The following RCOR3 variants were observed in gnomAD, a reference collection of about 807,000 sequenced individuals.
The protein encoded by RCOR3 is REST corepressor 3.
In RCOR3, 13 loss-of-function variants were observed where a neutral mutation model predicts 64.1. That is an observed-to-expected ratio of 0.20 (90% CI 0.13 to 0.32). The LOEUF is 0.32. Among genes scored for constraint, RCOR3 ranks in the 10% least tolerant of loss-of-function variants. The probability of loss-of-function intolerance (pLI) is 1.00; values close to 1 mark genes in which losing one functional copy is unlikely to be tolerated. For synonymous variants in RCOR3, 215 were observed against 239.0 expected, an observed-to-expected ratio of 0.90 and a Z score of 0.93; for missense variants, 489 against 701.2, an observed-to-expected ratio of 0.70 and a Z score of 3.42.
At chr1:211,302,723 T>C (rs1398439224) in intron 9 of RCOR3, 1 of 152,224 alleles carries the variant, frequency 6.6e-6, no homozygotes, top group Non-Finnish European at 1.5e-5. Flanking sequence ...CAGTACCAGT[T>C]ATCCTTGGGT....
At chr1:211,276,814 G>C (rs188178296) in intron 5 of RCOR3, among the ~76,000 whole-genome samples, 1 of 152,048 alleles carries the variant, frequency 6.6e-6, no homozygotes, top group Non-Finnish European at 1.5e-5. Context: ...TAGGCCGGGC[G>C]CGGTGGCTCA....
intron 3 of RCOR3, among the ~76,000 whole-genome samples, chr1:211,272,792 T>A (rs1696419145): frequency 6.6e-6 from 1 of 150,652 alleles, no homozygotes; most frequent in Non-Finnish European, 1.5e-5. Flanking sequence ...CGGCTAATTT[T>A]TTGTATTTTT....
At chr1:211,266,484 G>C (rs1447295680) in intron 2 of RCOR3, among the ~76,000 whole-genome samples, 2 of 152,158 alleles carry the variant, frequency 1.3e-5, no homozygotes, top group African/African-American at 4.8e-5. Context: ...ACTTAAAACT[G>C]AAGACAACTG....
chr1:211,259,820 T>G, intron 1 of RCOR3, 94 bp downstream of exon 1: 1 of 771,160 alleles, frequency 1.3e-6, no homozygotes, highest in Non-Finnish European at 1.6e-6. Context: ...CCGCCCTCCC[T>G]CCCCTCAGAG....
chr1:211,290,956 C>G (rs1699175510), intron 8 of RCOR3, among the ~76,000 whole-genome samples: 1 of 148,992 alleles, frequency 6.7e-6, no homozygotes, highest in Non-Finnish European at 1.5e-5. Flanking sequence ...TTTGCATTTT[C>G]TTGTTTGTTT....
chr1:211,314,291 T>C lies in RCOR3; in HGVS notation c.*523T>C, dbSNP rs891111241. 2 of 152,262 alleles carry C rather than the reference T, an allele frequency of 1.3e-5. No homozygotes were observed. The highest frequency in any genetic ancestry group is 2.9e-5 in the Non-Finnish European group (2 of 68,088). The allele number at this position is 152,262 out of a possible 1,614,324, so 9.4% of individuals were successfully genotyped here. ...TGACATATGTTCATTTTATGCATAT[T>C]TAAGAAATTATAGCTGCATATCCCT... On this transcript the variant is annotated 3_prime_UTR_variant, in exon 12 of 12. Coordinates refer to ENST00000419091, the MANE Select transcript of RCOR3 (RefSeq NM_001136223.3).
intron 7 of RCOR3, among the ~76,000 whole-genome samples, chr1:211,282,836 A>G (rs1157658558): frequency 1.3e-5 from 2 of 152,072 alleles, no homozygotes; most frequent in Non-Finnish European, 2.9e-5. Context: ...AGAGGGAACC[A>G]CTATAATGAA....
In RCOR3 at chr1:211,289,414, T is replaced by TA. The variant is rs776960877; in HGVS notation, c.939+19dup. 1.9e-6 allele frequency: 3 copies of TA among 1,573,626 alleles called. No individual in the cohort carries two copies. In the South Asian group the frequency reaches 3.4e-5, roughly 18 times the overall value. Reference sequence around the variant, plus strand: ...AACGTCAGGTATTTTATAAAAATAATATTTTTAATGATTCTGTGCATTTTG... The same window carrying TA: ...AACGTCAGGTATTTTATAAAAATAATAATTTTTAATGATTCTGTGCATTTTG... On this transcript the variant is annotated intron_variant, in intron 8 of 11. Transcript: ENST00000419091.
At position 211,259,608 on chromosome 1, in the gene RCOR3, A is replaced by C. The variant is rs757250088; in HGVS notation, c.48A>C (p.Arg16=). ...GGCCCGAGTTACTGGGGAAGAACCG[A>C]TCGGCCAACGGCAGCGCCAAGAGCC... ...EKGPELLGKN[R]SANGSAKSPA... The change falls in exon 1 of 12, where the codon CGA becomes CGC. Residue 16 remains arginine (R), a synonymous_variant. Transcript: ENST00000419091. 1 of 1,547,554 alleles carries C rather than the reference A, an allele frequency of 6.5e-7. No individual in the cohort carries two copies. Among genetic ancestry groups the C allele is most frequent in the South Asian group, 1.2e-5 (1 of 83,968 alleles).
chr1:211,271,436 TTA>T, intron 3 of RCOR3, 127 bp downstream of exon 3: 5 of 718,370 alleles, frequency 7.0e-6, no homozygotes, highest in Non-Finnish European at 1.2e-5. Flanking sequence ...GTTTTATTTT[TTA>T]TTTTTTTATT....
intron 2 of RCOR3, chr1:211,260,880 C>A (rs1476240508): frequency 6.6e-6 from 1 of 152,550 alleles, no homozygotes; most frequent in Non-Finnish European, 1.5e-5. Context: ...GTTCCAGCGT[C>A]CTCTGCCAAC....
chr1:211,298,196 G>GTC (rs1369450732), intron 9 of RCOR3, among the ~76,000 whole-genome samples: 2 of 152,178 alleles, frequency 1.3e-5, no homozygotes, highest in East Asian at 3.8e-4. Context: ...GATGTTATAA[G>GTC]ACAAACTGAT....
At chr1:211,296,936 G>A (rs914008116) in intron 9 of RCOR3, among the ~76,000 whole-genome samples, 4 of 151,784 alleles carry the variant, frequency 2.6e-5, no homozygotes, top group Admixed American at 6.6e-5. Context: ...ATAAAATACC[G>A]CAGATATTAA....
chr1:211,271,357 C>A, intron 3 of RCOR3, 48 bp downstream of exon 3: 1 of 1,461,392 alleles, frequency 6.8e-7, no homozygotes, highest in Non-Finnish European at 9.6e-7. Context: ...GTTTATCAGC[C>A]AATTCAAAAT....
chr1:211,274,301 A>T, intron 4 of RCOR3, 39 bp downstream of exon 4: 1 of 1,363,606 alleles, frequency 7.3e-7, no homozygotes, highest in Non-Finnish European at 1.0e-6. Flanking sequence ...GCTTGTCCCA[A>T]TATTTACCAA....
At chr1:211,285,899 G>C (rs897700658) in intron 7 of RCOR3, among the ~76,000 whole-genome samples, 5 of 152,146 alleles carry the variant, frequency 3.3e-5, no homozygotes, top group Non-Finnish European at 5.9e-5. Context: ...TCTTGCTGCT[G>C]AATTGAGCCT....
Position 211,289,092 on chromosome 1 carries a change from CAGATACTTCT to C in RCOR3, c.721-84_721-75del, listed in dbSNP as rs969146479. ...GTTTTTTTATGTGTACTTATTGCAG[CAGATACTTCT>C]AATATTAATAGACTGTTTTCACTTT... On this transcript the variant is annotated intron_variant, in intron 7 of 11. Coordinates refer to ENST00000419091, the MANE Select transcript of RCOR3 (RefSeq NM_001136223.3). 1.0e-5 allele frequency: 10 copies of C among 986,286 alleles called. No individual in the cohort carries two copies. In the African/African-American group the frequency reaches 1.6e-4, roughly 16 times the overall value. The allele number at this position is 986,286 out of a possible 1,614,324, so 61.1% of individuals were successfully genotyped here. A position where few individuals can be genotyped will look rare whatever the true frequency, so the allele number is the denominator to read the frequency against.
At chr1:211,280,736 C>T (rs1697670630) in intron 7 of RCOR3, among the ~76,000 whole-genome samples, 1 of 152,194 alleles carries the variant, frequency 6.6e-6, no homozygotes, top group South Asian at 2.1e-4. Context: ...GTAATCCTGG[C>T]ACTTCGGGAG....
chr1:211,299,798 A>C (rs1700192474), intron 9 of RCOR3, among the ~76,000 whole-genome samples: 1 of 152,118 alleles, frequency 6.6e-6, no homozygotes, highest in South Asian at 2.1e-4. Context: ...GTTTTTGTAG[A>C]AGAATATACT....
Sources: gnomAD v4.1 joint callset for allele counts (sites outside exome capture counted in the v4.1 genomes callset) on GRCh38, gnomAD v4.1.1 for gene constraint, MANE v1.5 for transcripts, NCBI Gene and HGNC (gene_info 2026-07-23, HGNC 2026-07-21) for gene names.